ZBTB7C: variants seen among roughly 807,000 people sequenced by gnomAD.
ZBTB7C encodes zinc finger and BTB domain containing 7C, also known as zinc finger and BTB domain-containing protein 7C.
A neutral mutation model predicts 25.7 loss-of-function variants in ZBTB7C; 8 were observed. That is an observed-to-expected ratio of 0.31 (90% CI 0.18 to 0.56). The LOEUF is 0.56. Among genes scored for constraint, ZBTB7C ranks in the 20% least tolerant of loss-of-function variants. The probability of loss-of-function intolerance (pLI) is 0.91; values close to 1 mark genes in which losing one functional copy is unlikely to be tolerated. For missense variants in ZBTB7C, 824 were observed against 855.2 expected, an observed-to-expected ratio of 0.96 and a Z score of 0.46; for synonymous variants, 394 against 369.0, an observed-to-expected ratio of 1.07 and a Z score of -0.78.
intron 2 of ZBTB7C, among the ~76,000 whole-genome samples, chr18:48,196,433 AGAGGTGAGTTTCT>A (rs1568295496): frequency 6.6e-6 from 1 of 152,200 alleles, no homozygotes; most frequent in Non-Finnish European, 1.5e-5. Flanking sequence ...AACTTCTTAC[AGAGGTGAGTTTCT>A]AATATGTAAT....
intron 3 of ZBTB7C, chr18:48,072,478 C>A (rs1458546339): frequency 6.6e-6 from 1 of 152,232 alleles, no homozygotes; most frequent in Admixed American, 6.5e-5. Context: ...GGTCGATCTG[C>A]AGCCTCCTTC....
chr18:48,370,657 GA>G (rs1000012436), intron 1 of ZBTB7C, among the ~76,000 whole-genome samples: 2 of 150,952 alleles, frequency 1.3e-5, no homozygotes, highest in African/African-American at 2.4e-5. Context: ...TAATCTTAAT[GA>G]AAAAAAAATC....
At chr18:48,212,411 T>C (rs781690421) in intron 2 of ZBTB7C, among the ~76,000 whole-genome samples, 6 of 150,620 alleles carry the variant, frequency 4.0e-5, no homozygotes, top group Non-Finnish European at 7.3e-5. Flanking sequence ...TGGACACATG[T>C]CATTATACAT....
At chr18:48,327,645 G>C (rs2046251240) in intron 2 of ZBTB7C, among the ~76,000 whole-genome samples, 1 of 152,170 alleles carries the variant, frequency 6.6e-6, no homozygotes, top group South Asian at 2.1e-4. Flanking sequence ...AGTACTTGGA[G>C]AAGAATCGCT....
At position 48,332,998 on chromosome 18, in the gene ZBTB7C, A is replaced by C. The variant is rs141515178; in HGVS notation, c.-79+5176T>G. Among the ~76,000 whole-genome samples the C allele has an allele frequency of 4.6e-5, 7 of 152,152 alleles. No individual in the cohort carries two copies. In the East Asian group the frequency reaches 1.3e-3, roughly 29 times the overall value. The stretch of plus-strand genomic sequence containing the variant: ...CCAATCAGCATAATTAAATAGTAAG[A>C]TCTCTCTAGAATTGATTGTGGTTTT... On this transcript the variant is annotated intron_variant, in intron 2 of 4. Coordinates refer to ENST00000590800, the MANE Select transcript of ZBTB7C (RefSeq NM_001318841.2).
At chr18:48,298,413 G>C (rs987289225) in intron 2 of ZBTB7C, among the ~76,000 whole-genome samples, 1 of 152,170 alleles carries the variant, frequency 6.6e-6, no homozygotes, top group African/African-American at 2.4e-5. Context: ...CACTCATGGA[G>C]TGGGCTGGGC....
chr18:48,383,288 G>T (rs113370496), intron 1 of ZBTB7C, among the ~76,000 whole-genome samples: 4 of 152,088 alleles, frequency 2.6e-5, no homozygotes, highest in African/African-American at 9.6e-5. Context: ...TTAAGGCAGG[G>T]TCTCACTCAC....
intron 3 of ZBTB7C, among the ~76,000 whole-genome samples, chr18:48,109,706 G>A (rs567627508): frequency 2.0e-4 from 31 of 152,292 alleles, no homozygotes; most frequent in Non-Finnish European, 4.0e-4. Context: ...CTGCAGAGGA[G>A]GGAGGGGGCA....
chr18:48,253,298 T>A (rs1239222689), intron 2 of ZBTB7C, among the ~76,000 whole-genome samples: 1 of 151,918 alleles, frequency 6.6e-6, no homozygotes, highest in African/African-American at 2.4e-5. Flanking sequence ...CTTAAAAAAA[T>A]AAAGATCCAG....
chr18:48,174,291 G>A (rs1311719660), intron 3 of ZBTB7C, among the ~76,000 whole-genome samples: 1 of 152,034 alleles, frequency 6.6e-6, no homozygotes, highest in Non-Finnish European at 1.5e-5. Context: ...AAGATATAAA[G>A]ACAATTCACA....
chr18:48,358,702 A>G (rs1006819290), intron 1 of ZBTB7C, among the ~76,000 whole-genome samples: 1 of 152,214 alleles, frequency 6.6e-6, no homozygotes. Flanking sequence ...GCAGTAGCTG[A>G]GAACACTGAG....
At chr18:48,072,937 C>G (rs2037607050) in intron 3 of ZBTB7C, among the ~76,000 whole-genome samples, 1 of 152,188 alleles carries the variant, frequency 6.6e-6, no homozygotes, top group African/African-American at 2.4e-5. Flanking sequence ...TTCCCTTCCC[C>G]CTCCAGGCCA....
intron 3 of ZBTB7C, chr18:48,180,375 G>A (rs532323427): frequency 1.5e-5 from 7 of 456,390 alleles, no homozygotes; most frequent in African/African-American, 4.0e-5. Flanking sequence ...CACACCATTC[G>A]CTGGTGATTA....
intron 1 of ZBTB7C, among the ~76,000 whole-genome samples, chr18:48,361,055 A>G (rs1265756383): frequency 1.3e-5 from 2 of 151,954 alleles, no homozygotes; most frequent in East Asian, 3.9e-4. Context: ...GGGAGGGAGG[A>G]AGGCTGGTTA....
intron 2 of ZBTB7C, among the ~76,000 whole-genome samples, chr18:48,279,943 T>C (rs2044782527): frequency 6.6e-6 from 1 of 152,216 alleles, no homozygotes; most frequent in Non-Finnish European, 1.5e-5. Context: ...CAAAAGGGGT[T>C]GGTAGGGAGA....
chr18:48,358,409 C>A (rs565411559), intron 1 of ZBTB7C, among the ~76,000 whole-genome samples: 1 of 152,294 alleles, frequency 6.6e-6, no homozygotes, highest in African/African-American at 2.4e-5. Context: ...CTCCCACTCT[C>A]ACCCTGTGAC....
At chr18:48,292,536 C>A (rs954805315) in intron 2 of ZBTB7C, among the ~76,000 whole-genome samples, 7 of 152,156 alleles carry the variant, frequency 4.6e-5, no homozygotes, top group African/African-American at 7.2e-5. Context: ...CAGCAGCTGG[C>A]AAGAGAGAAG....
chr18:48,109,880 C>G (rs1011085894), intron 3 of ZBTB7C, among the ~76,000 whole-genome samples: 20 of 152,302 alleles, frequency 1.3e-4, no homozygotes, highest in African/African-American at 2.2e-4. Context: ...CACCCTCCCC[C>G]CAAACACTTC....
chr18:48,119,357 G>A (rs957925278), intron 3 of ZBTB7C, among the ~76,000 whole-genome samples: 1 of 149,576 alleles, frequency 6.7e-6, no homozygotes, highest in East Asian at 1.9e-4. Flanking sequence ...CAGTGCAGGC[G>A]CAACCCCAGC....
Sources: allele counts gnomAD v4.1 joint callset (sites outside exome capture counted in the v4.1 genomes callset), GRCh38; gene constraint gnomAD v4.1.1; transcripts MANE v1.5; gene names NCBI Gene and HGNC (gene_info 2026-07-23, HGNC 2026-07-21).